Variants in NASP observed in about 807,000 individuals in gnomAD.
NASP encodes the protein NASP histone chaperone.
Under a neutral mutation model 89.5 loss-of-function variants are expected in NASP, and 24 were observed. The observed-to-expected ratio is 0.27, with a 90% CI of 0.19 to 0.38. The LOEUF is 0.38. NASP is among the 10% of genes least tolerant of loss of function. The pLI, the probability that NASP is intolerant of heterozygous loss-of-function variation, is 1.00. For missense variants in NASP, 848 were observed against 921.4 expected (o/e 0.92, Z 1.03); for synonymous variants, 306 against 324.7 (o/e 0.94, Z 0.62).
At chr1:45,592,381 G>A (rs1643573397) in intron 2 of NASP, among the ~76,000 whole-genome samples, 1 of 152,180 alleles carries the variant, frequency 6.6e-6, no homozygotes, top group African/African-American at 2.4e-5. Flanking sequence ...CCTAAGTGTT[G>A]GGATTACCAG....
chr1:45,612,634 CTG>C (rs1341315215), intron 6 of NASP: 1 of 152,338 alleles, frequency 6.6e-6, no homozygotes, highest in African/African-American at 2.4e-5. Context: ...TGGCTGGAGT[CTG>C]TGGCATGCTC....
rs200788817 is a variant in NASP at position 45,615,315 on chromosome 1, C to T, written c.1866C>T (p.Asn622=). Residue 622 remains asparagine (N), a synonymous_variant, in exon 11 of 15, where the codon AAC becomes AAT. Coordinates refer to ENST00000350030, the MANE Select transcript of NASP (RefSeq NM_002482.4). ...EVIENRMAVL[N]EQVKEAEGSS... is the part of the protein sequence containing the mutation. ...CTTTATTCTTTTTAGCTGTACTAAA[C>T]GAGCAGGTGAAGGAGGCTGAAGGAT... 88 of 1,613,830 alleles carry T rather than the reference C, an allele frequency of 5.5e-5. No individual in the cohort carries two copies. Among genetic ancestry groups the T allele is most frequent in the Middle Eastern group, 1.7e-4 (1 of 6,056 alleles).
At chr1:45,603,619 T>TTC (rs1643877627) in intron 3 of NASP, among the ~76,000 whole-genome samples, 1 of 150,578 alleles carries the variant, frequency 6.6e-6, no homozygotes, top group Non-Finnish European at 1.5e-5. Flanking sequence ...TTTTTTTTTT[T>TTC]TTTTTTGAGA....
At chr1:45,593,535 CAA>C (rs1197658183) in intron 2 of NASP, among the ~76,000 whole-genome samples, 47 of 82,400 alleles carry the variant, frequency 5.7e-4, no homozygotes, top group Admixed American at 1.1e-3. Flanking sequence ...TGTCCCCCCC[CAA>C]AAAAAAAAAA....
chr1:45,617,890 C>G (rs1379910407), intron 14 of NASP, among the ~76,000 whole-genome samples, 171 bp from the exon 15 acceptor site: 2 of 152,224 alleles, frequency 1.3e-5, no homozygotes, highest in Non-Finnish European at 2.9e-5. Context: ...CTGTCAGCCC[C>G]ATTATCACAG....
chr1:45,588,942 G>A, intron 1 of NASP: 1 of 164,434 alleles, frequency 6.1e-6, no homozygotes, highest in Non-Finnish European at 1.3e-5. Context: ...AGAATGAGCA[G>A]TAGCAGGTGG....
chr1:45,584,412 C>T (rs1644496731), intron 1 of NASP, among the ~76,000 whole-genome samples: 1 of 152,194 alleles, frequency 6.6e-6, no homozygotes, highest in Non-Finnish European at 1.5e-5. Flanking sequence ...TCGGCTGGCG[C>T]CCCCTGCCCC....
intron 2 of NASP, among the ~76,000 whole-genome samples, chr1:45,591,705 T>G (rs1489875881): frequency 9.9e-6 from 1 of 101,072 alleles, no homozygotes; most frequent in Non-Finnish European, 2.2e-5. Context: ...GGTTTTTTGT[T>G]TTTCTTTATC....
intron 3 of NASP, 57 bp from the exon 4 acceptor site, chr1:45,604,861 TATAACTGAAGAACTAGAA>T: frequency 8.7e-7 from 1 of 1,149,578 alleles, no homozygotes; most frequent in Non-Finnish European, 1.3e-6. Flanking sequence ...AATATCAATT[TATAACTGAAGAACTAGAA>T]CTAAATGTTT....
chr1:45,607,525 G>A lies in NASP; in HGVS notation c.614G>A (p.Trp205Ter), dbSNP rs947220152. 2 of 1,614,020 alleles carry A rather than the reference G, an allele frequency of 1.2e-6. No homozygotes were observed. The highest frequency in any genetic ancestry group is 1.7e-6 in the Non-Finnish European group (2 of 1,179,972). Residue 205 changes from tryptophan (W) to a stop codon, truncating the protein, a stop_gained, in exon 6 of 15, where the codon TGG becomes TAG. Transcript: ENST00000350030. LOFTEE classifies it high-confidence loss of function. ...PQEKVDLTLD[W>*]LTETSEEAKG... ...GAAAAAGTTGACTTGACTCTAGATT[G>A]GTTAACTGAAACCTCTGAAGAGGCA...
chr1:45,615,562 T>C, intron 11 of NASP, 91 bp downstream of exon 11: 1 of 1,273,586 alleles, frequency 7.9e-7, no homozygotes, highest in South Asian at 1.5e-5. Context: ...TGACTTGGTT[T>C]CCAGGGAGTT....
At chr1:45,606,740 G>A in intron 5 of NASP, 149 bp downstream of exon 5, 1 of 509,832 alleles carries the variant, frequency 2.0e-6, no homozygotes, top group South Asian at 3.4e-5. Flanking sequence ...TTGCAGTGGG[G>A]ATAGCTGTTT....
intron 1 of NASP, among the ~76,000 whole-genome samples, chr1:45,587,926 C>T (rs1226583065): frequency 6.6e-6 from 1 of 151,224 alleles, no homozygotes; most frequent in African/African-American, 2.4e-5. Context: ...TGCACTCTAG[C>T]CTCAGAGCAA....
In NASP at chr1:45,613,156, T is replaced by A. The variant is rs1644045476; in HGVS notation, c.1427-13T>A. ...TAGTTATATTCTCAATACTGAGGAA[T>A]TTTTACTTGTAGAAACTGAAGGCTC... On this transcript the variant is annotated splice_polypyrimidine_tract_variant and intron_variant, in intron 6 of 14. Transcript: ENST00000350030. The A allele has an allele frequency of 1.9e-6, 3 of 1,600,052 alleles. No individual in the cohort carries two copies. In the South Asian group the frequency reaches 3.4e-5, roughly 18 times the overall value.
chr1:45,587,847 T>C (rs1644579632), intron 1 of NASP, among the ~76,000 whole-genome samples: 1 of 150,032 alleles, frequency 6.7e-6, no homozygotes. Flanking sequence ...TAGCCGAGCA[T>C]GGGTAGCAGG....
chr1:45,590,573 G>T (rs560601057), intron 1 of NASP, among the ~76,000 whole-genome samples: 4 of 142,396 alleles, frequency 2.8e-5, no homozygotes, highest in Non-Finnish European at 6.1e-5. Context: ...AAAAAGAAAA[G>T]AAATTTATCA....
chr1:45,585,080 G>GA (rs1644511845), intron 1 of NASP, among the ~76,000 whole-genome samples: 1 of 152,202 alleles, frequency 6.6e-6, no homozygotes, highest in Non-Finnish European at 1.5e-5. Flanking sequence ...ACGAAGTGGA[G>GA]AAGGACTGGA....
intron 2 of NASP, 42 bp downstream of exon 2, chr1:45,591,312 TAAAC>T: frequency 1.6e-6 from 2 of 1,241,204 alleles, no homozygotes; most frequent in Non-Finnish European, 2.3e-6. Flanking sequence ...ATCAGAAACA[TAAAC>T]TAAGAGCAAT....
intron 10 of NASP, 28 bp downstream of exon 10, chr1:45,615,229 G>A (rs1644083529): frequency 1.2e-6 from 2 of 1,612,310 alleles, no homozygotes; most frequent in Non-Finnish European, 1.7e-6. Flanking sequence ...GCTTCATGGT[G>A]ATGTTGGATC....
Sources: allele counts gnomAD v4.1 joint callset (sites outside exome capture counted in the v4.1 genomes callset), GRCh38; gene constraint gnomAD v4.1.1; transcripts MANE v1.5; gene names NCBI Gene and HGNC (gene_info 2026-07-23, HGNC 2026-07-21).